Variants in SLC1A7 observed in about 807,000 individuals in gnomAD.
The protein encoded by SLC1A7 is excitatory amino acid transporter 5.
A neutral mutation model predicts 47.7 loss-of-function variants in SLC1A7; 40 were observed. That is an observed-to-expected ratio of 0.84 (90% CI 0.65 to 1.09). SLC1A7 has a LOEUF of 1.09. Among genes scored for constraint, SLC1A7 ranks in the 50% least tolerant of loss-of-function variants. The pLI, the probability that SLC1A7 is intolerant of heterozygous loss-of-function variation, is 0.00. For synonymous variants in SLC1A7, 323 were observed against 325.6 expected (o/e 0.99, Z 0.09); for missense variants, 746 against 769.5 (o/e 0.97, Z 0.36).
chr1:53,132,162 T>C (rs1288359), intron 2 of SLC1A7, among the ~76,000 whole-genome samples: 150,070 of 152,214 alleles, frequency 0.99, 74,008 homozygotes, highest in Middle Eastern at 1. Flanking sequence ...ACCAGGTTAA[T>C]GGTCTGCAGG....
At chr1:53,099,655 C>T (rs1159653930) in intron 5 of SLC1A7, among the ~76,000 whole-genome samples, 1 of 151,314 alleles carries the variant, frequency 6.6e-6, no homozygotes, top group Non-Finnish European at 1.5e-5. Flanking sequence ...CGTCTGAGTA[C>T]ACTCACACAC....
At chr1:53,140,100 A>C (rs1645041568) in intron 1 of SLC1A7, among the ~76,000 whole-genome samples, 1 of 152,150 alleles carries the variant, frequency 6.6e-6, no homozygotes, top group African/African-American at 2.4e-5. Context: ...AAGAGATCAA[A>C]CAGAGAAATC....
intron 2 of SLC1A7, among the ~76,000 whole-genome samples, chr1:53,129,480 G>A (rs1644917316): frequency 7.1e-6 from 1 of 140,272 alleles, no homozygotes; most frequent in African/African-American, 2.6e-5. Flanking sequence ...GCCACCACTG[G>A]TCAAGCGTGG....
At chr1:53,132,337 G>C (rs1572348108) in intron 2 of SLC1A7, among the ~76,000 whole-genome samples, 1 of 152,166 alleles carries the variant, frequency 6.6e-6, no homozygotes, top group South Asian at 2.1e-4. Context: ...TGAGAAGAGA[G>C]TGCCCGGGCC....
chr1:53,133,133 G>A (rs1644957748), intron 2 of SLC1A7, among the ~76,000 whole-genome samples: 1 of 152,204 alleles, frequency 6.6e-6, no homozygotes, highest in Non-Finnish European at 1.5e-5. Context: ...ATGAGGGCAA[G>A]AGTAATCAGC....
At chr1:53,092,172 C>G (rs1644429142) in intron 7 of SLC1A7, among the ~76,000 whole-genome samples, 1 of 152,260 alleles carries the variant, frequency 6.6e-6, no homozygotes, top group Non-Finnish European at 1.5e-5. Context: ...ATCCCAGCGG[C>G]AGTGGACAGG....
chr1:53,103,206 T>A (rs11206100), intron 5 of SLC1A7, 140 bp downstream of exon 5: 122,800 of 635,480 alleles, frequency 0.19, 12,541 homozygotes, highest in Middle Eastern at 0.29. Flanking sequence ...AATAAACAGG[T>A]GTGGTGAATA....
chr1:53,136,434 C>A (rs781222555), intron 1 of SLC1A7, among the ~76,000 whole-genome samples: 18 of 147,502 alleles, frequency 1.2e-4, no homozygotes, highest in Admixed American at 2.0e-4. Flanking sequence ...CCTTGTTGAT[C>A]CGCCCGCCTC....
At chr1:53,113,606 C>T (rs1389028745) in intron 3 of SLC1A7, among the ~76,000 whole-genome samples, 1 of 152,154 alleles carries the variant, frequency 6.6e-6, no homozygotes, top group African/African-American at 2.4e-5. Context: ...CCCAGGGCCA[C>T]CACTTGGCCC....
intron 2 of SLC1A7, among the ~76,000 whole-genome samples, chr1:53,126,387 T>C (rs898828014): frequency 1.3e-5 from 2 of 152,010 alleles, no homozygotes; most frequent in Non-Finnish European, 2.9e-5. Flanking sequence ...TTAAGTTAAA[T>C]GCACATATGA....
chr1:53,127,872 G>C (rs927584142), intron 2 of SLC1A7, among the ~76,000 whole-genome samples: 2 of 152,162 alleles, frequency 1.3e-5, no homozygotes, highest in Non-Finnish European at 2.9e-5. Context: ...CTCCCTGGTT[G>C]GGCCTCCGGA....
At chr1:53,142,023 C>A (rs1645062859) in intron 1 of SLC1A7, among the ~76,000 whole-genome samples, 1 of 152,196 alleles carries the variant, frequency 6.6e-6, no homozygotes, top group Admixed American at 6.5e-5. Context: ...CCCTCTTTCC[C>A]CGCCACAGCT....
At chr1:53,094,251 G>T (rs751310921) in intron 5 of SLC1A7, among the ~76,000 whole-genome samples, 2 of 152,212 alleles carry the variant, frequency 1.3e-5, no homozygotes, top group Non-Finnish European at 1.5e-5. Context: ...GGTGAGTGAG[G>T]ACTAGGGCCT....
intron 5 of SLC1A7, 134 bp downstream of exon 5, chr1:53,103,212 G>T: frequency 1.5e-6 from 1 of 682,686 alleles, no homozygotes; most frequent in Non-Finnish European, 2.4e-6. Flanking sequence ...CAGGTGTGGT[G>T]AATATTTCCA....
Position 53,088,184 on chromosome 1 carries a change from A to C in SLC1A7, c.1508T>G (p.Ile503Ser), listed in dbSNP as rs1316860590. Residue 503 changes from isoleucine to serine, a missense_variant, in exon 11 of 11, where the codon ATC becomes AGC. Ile to Ser is a moderately radical substitution (Grantham distance 142). Coordinates refer to ENST00000371494, the MANE Select transcript of SLC1A7 (RefSeq NM_006671.6). ...ACAGCCATTCTGCTGGGCTGCCACG[A>C]TCTCCTGGAGGCTCACTGGCTTGGT... ...CETKPVSLQE[I>S]VAAQQNGCVK... 1 of 1,613,038 alleles carries C rather than the reference A, an allele frequency of 6.2e-7. No individual in the cohort carries two copies. Among genetic ancestry groups the C allele is most frequent in the South Asian group, 1.1e-5 (1 of 90,820 alleles).
chr1:53,123,188 A>G (rs1331176385), intron 2 of SLC1A7, among the ~76,000 whole-genome samples: 1 of 152,120 alleles, frequency 6.6e-6, no homozygotes, highest in Non-Finnish European at 1.5e-5. Context: ...AGTCAGGGCC[A>G]GGTCCAGTTT....
At chr1:53,088,364 A>G in intron 10 of SLC1A7, 137 bp from the exon 11 acceptor site, 2 of 699,628 alleles carry the variant, frequency 2.9e-6, no homozygotes, top group East Asian at 5.7e-5. Flanking sequence ...ACGCTGTGTG[A>G]CCTCGGCAGG....
intron 5 of SLC1A7, among the ~76,000 whole-genome samples, chr1:53,097,914 C>T (rs1483280871): frequency 7.2e-6 from 1 of 138,186 alleles, no homozygotes; most frequent in Non-Finnish European, 1.6e-5. Flanking sequence ...ACACCCCCAC[C>T]TTGGTATACT....
intron 3 of SLC1A7, among the ~76,000 whole-genome samples, chr1:53,111,288 G>A (rs1457889481): frequency 2.6e-5 from 4 of 152,152 alleles, no homozygotes; most frequent in African/African-American, 4.8e-5. Context: ...GAAGGACAAC[G>A]AGGCGGGTGG....
Sources: allele counts gnomAD v4.1 joint callset (sites outside exome capture counted in the v4.1 genomes callset), GRCh38; gene constraint gnomAD v4.1.1; transcripts MANE v1.5; gene names NCBI Gene and HGNC (gene_info 2026-07-23, HGNC 2026-07-21).